URGCP: variants seen among roughly 807,000 people sequenced by gnomAD.
URGCP encodes the protein up-regulator of cell proliferation.
In URGCP, 13 loss-of-function variants were observed where a neutral mutation model predicts 24.6. That is an observed-to-expected ratio of 0.53 (90% confidence interval 0.34 to 0.84). The LOEUF (loss-of-function observed/expected upper bound fraction) is 0.84, where lower values mean the gene tolerates loss of function less well. Ranked by LOEUF, URGCP falls within the 40% of genes least tolerant of loss-of-function variation. The probability of loss-of-function intolerance (pLI) is 0.01; values close to 1 mark genes in which losing one functional copy is unlikely to be tolerated. For missense variants in URGCP, 899 were observed against 1,194.3 expected, an observed-to-expected ratio of 0.75 and a Z score of 3.64; for synonymous variants, 444 against 487.2, an observed-to-expected ratio of 0.91 and a Z score of 1.17.
At chr7:43,890,381 AT>A (rs1294566119) in intron 1 of URGCP, among the ~76,000 whole-genome samples, 1 of 149,870 alleles carries the variant, frequency 6.7e-6, no homozygotes, top group Non-Finnish European at 1.5e-5. Flanking sequence ...CGCCCGGCTA[AT>A]TTTTTTGTAT....
At chr7:43,887,746 G>A in intron 2 of URGCP, 44 bp downstream of exon 2, 1 of 1,546,252 alleles carries the variant, frequency 6.5e-7, no homozygotes, top group Non-Finnish European at 8.7e-7. Flanking sequence ...CTGCTGGCCA[G>A]AGCACAAATA....
At chr7:43,925,294 G>C (rs1318251066) in intron 1 of URGCP, among the ~76,000 whole-genome samples, 1 of 152,096 alleles carries the variant, frequency 6.6e-6, no homozygotes, top group East Asian at 1.9e-4. Context: ...TACAAACATA[G>C]AGGTGACCAT....
chr7:43,910,379 CTAATT>C (rs2095908701), upstream of URGCP, among the ~76,000 whole-genome samples: 1 of 134,562 alleles, frequency 7.4e-6, no homozygotes, highest in East Asian at 2.2e-4. Context: ...CCATGTCTGG[CTAATT>C]TTTTTTTTTT....
At chr7:43,919,714 G>A in intron 1 of URGCP, 1 of 1,376,150 alleles carries the variant, frequency 7.3e-7, no homozygotes, top group Admixed American at 1.7e-5. Flanking sequence ...AGCCTGCAGA[G>A]GATCCGGGAA....
chr7:43,912,368 G>A (rs552370483), intron 1 of URGCP, among the ~76,000 whole-genome samples: 121 of 152,174 alleles, frequency 8.0e-4, no homozygotes, highest in Non-Finnish European at 1.4e-3. Context: ...GCGTGGTGGC[G>A]CACGCCTGTA....
chr7:43,926,485 C>T, upstream of URGCP: 3 of 1,458,358 alleles, frequency 2.1e-6, no homozygotes, highest in African/African-American at 1.5e-5. Context: ...AGCGGGCCGC[C>T]TCAGGCAGCC....
At chr7:43,882,581 G>A (rs141562713) in intron 3 of URGCP, among the ~76,000 whole-genome samples, 75 of 151,572 alleles carry the variant, frequency 4.9e-4, no homozygotes, top group East Asian at 3.7e-3. Context: ...GCATTCCAGC[G>A]TGGGCATCAG....
chr7:43,884,870 A>G (rs1373222183), intron 3 of URGCP, among the ~76,000 whole-genome samples: 1 of 152,126 alleles, frequency 6.6e-6, no homozygotes. Flanking sequence ...GAGTTGAGTA[A>G]GATAAATAAA....
intron 1 of URGCP, among the ~76,000 whole-genome samples, chr7:43,891,907 G>T (rs968401225): frequency 6.6e-6 from 1 of 151,872 alleles, no homozygotes; most frequent in African/African-American, 2.4e-5. Flanking sequence ...TCAGCCTCCT[G>T]AGTAGCTGAG....
rs1434714454 is a variant in URGCP at position 43,877,975 on chromosome 7, C to A, written c.1488G>T (p.Leu496=). Residue 496 remains leucine (L), a synonymous_variant, in exon 6 of 6, where the codon CTG becomes CTT. Coordinates refer to ENST00000453200, the MANE Select transcript of URGCP (RefSeq NM_001077663.3). ...CTGCCTTTCTCCAGGGGTCCCCCTG[C>A]AGCCTCAGCTCGTCCCTTCTGTAGG... The part of the protein sequence containing the change: ...SDAYRRDELR[L]QGDPWRKAAQ... The A allele has an allele frequency of 1.2e-6, 2 of 1,614,234 alleles. No individual in the cohort carries two copies.
intron 1 of URGCP, among the ~76,000 whole-genome samples, chr7:43,903,697 C>T (rs1032569565): frequency 6.6e-6 from 1 of 151,982 alleles, no homozygotes; most frequent in African/African-American, 2.4e-5. Context: ...AGACCTTGTG[C>T]CCAGGAAAAT....
chr7:43,879,974 A>C (rs2095851435), intron 5 of URGCP, among the ~76,000 whole-genome samples: 1 of 150,386 alleles, frequency 6.6e-6, no homozygotes, highest in Admixed American at 6.6e-5. Flanking sequence ...CCCAGGCTGT[A>C]GTGCAGTGGC....
At chr7:43,895,095 C>T (rs1039749189) in intron 1 of URGCP, among the ~76,000 whole-genome samples, 5 of 151,912 alleles carry the variant, frequency 3.3e-5, no homozygotes, top group Non-Finnish European at 7.4e-5. Flanking sequence ...GCACAGCAAA[C>T]GAAACAGCCA....
chr7:43,881,427 G>C (rs1042202741), intron 5 of URGCP, among the ~76,000 whole-genome samples: 4 of 151,540 alleles, frequency 2.6e-5, no homozygotes, highest in African/African-American at 9.7e-5. Flanking sequence ...ATGTTGGGTG[G>C]TGGAGGGGGG....
intron 1 of URGCP, chr7:43,918,655 G>A (rs1046824932): frequency 1.3e-4 from 79 of 615,452 alleles, no homozygotes; most frequent in South Asian, 1.4e-4. Flanking sequence ...ACGCGGCAGC[G>A]TTGCGGGTGG....
chr7:43,878,200 G>C lies in URGCP; in HGVS notation c.1263C>G (p.Ser421Arg). The change falls in exon 6 of 6, where the codon AGC becomes AGG. Residue 421 changes from serine (S) to arginine (R), a missense_variant. Ser to Arg is a moderately radical substitution (Grantham distance 110, BLOSUM62 -1). Coordinates refer to ENST00000453200, the MANE Select transcript of URGCP (RefSeq NM_001077663.3). This position sits in a 1 kb window ranked among gnomAD's most constrained non-coding sequence, Gnocchi z 5.6. ...TCTTCACGAAGCTGTCGCTGTCAGTGCTGCTGACCTTTACCAGGACATGTG... is the reference window on the plus strand; with the variant it reads ...TCTTCACGAAGCTGTCGCTGTCAGTCCTGCTGACCTTTACCAGGACATGTG... The part of the protein sequence containing the change: ...DHSHVLVKVS[S>R]TDSDSFVKRI... 1 of 1,614,216 alleles carries C rather than the reference G, an allele frequency of 6.2e-7. No homozygotes were observed. Among genetic ancestry groups the C allele is most frequent in the Non-Finnish European group, 8.5e-7 (1 of 1,180,050 alleles).
intron 1 of URGCP, chr7:43,919,161 T>C (rs2095919152): frequency 3.4e-6 from 3 of 873,448 alleles, no homozygotes. Context: ...CCTCTTAGAA[T>C]GGCTGAATGA....
At chr7:43,895,858 ATG>A (rs975652704) in intron 1 of URGCP, among the ~76,000 whole-genome samples, 4 of 152,228 alleles carry the variant, frequency 2.6e-5, no homozygotes, top group Admixed American at 6.5e-5. Flanking sequence ...AAGAAAGGAA[ATG>A]TGTGTGTCAA....
intron 1 of URGCP, among the ~76,000 whole-genome samples, chr7:43,912,051 C>T (rs552893887): frequency 1.3e-5 from 2 of 152,030 alleles, no homozygotes; most frequent in African/African-American, 4.8e-5. Context: ...GGATGCAGTG[C>T]AGTCAGTTCT....
Sources: gnomAD v4.1 joint callset for allele counts (sites outside exome capture counted in the v4.1 genomes callset) on GRCh38, gnomAD v4.1.1 for gene constraint, Gnocchi (gnomAD v3.1) non-coding constraint, MANE v1.5 for transcripts, NCBI Gene and HGNC (gene_info 2026-07-23, HGNC 2026-07-21) for gene names.